The following TES variants were observed in gnomAD, a reference collection of about 807,000 sequenced individuals.
The protein encoded by TES is testin.
A neutral mutation model predicts 48.2 loss-of-function variants in TES; 41 were observed. The observed-to-expected ratio is 0.85, with a 90% CI of 0.66 to 1.10. TES has a LOEUF of 1.10. Among genes scored for constraint, TES ranks in the 50% least tolerant of loss-of-function variants. The probability of loss-of-function intolerance (pLI) is 0.00; values close to 1 mark genes in which losing one functional copy is unlikely to be tolerated. For synonymous variants in TES, 162 were observed against 174.9 expected, an observed-to-expected ratio of 0.93 and a Z score of 0.58; for missense variants, 463 against 515.1, an observed-to-expected ratio of 0.90 and a Z score of 0.98.
intron 1 of TES, among the ~76,000 whole-genome samples, chr7:116,233,242 G>T (rs1799723851): frequency 6.6e-6 from 1 of 152,184 alleles, no homozygotes. Context: ...CTGATGTAAG[G>T]CTGGCTACTC....
chr7:116,239,904 ATAAT>A (rs1336067653), intron 2 of TES, among the ~76,000 whole-genome samples: 2 of 152,232 alleles, frequency 1.3e-5, no homozygotes, highest in South Asian at 2.1e-4. Context: ...CATTGAAGGT[ATAAT>A]TAATATAATT....
chr7:116,227,406 G>A (rs1584614376), intron 1 of TES, among the ~76,000 whole-genome samples: 1 of 152,036 alleles, frequency 6.6e-6, no homozygotes, highest in East Asian at 1.9e-4. Context: ...ACAGGCATGA[G>A]CCACCGTGTC....
chr7:116,251,661 C>A (rs558983540), intron 4 of TES, 99 bp from the exon 5 acceptor site: 2 of 1,114,850 alleles, frequency 1.8e-6, no homozygotes, highest in Middle Eastern at 3.0e-4. Flanking sequence ...CCAGCCTGGG[C>A]GACAGAGTGA....
At chr7:116,242,535 CTCTGTCTCTG>C (rs769662943) in intron 2 of TES, among the ~76,000 whole-genome samples, 40 of 53,966 alleles carry the variant, frequency 7.4e-4, no homozygotes, top group African/African-American at 3.3e-3. Flanking sequence ...CTCTCTCTCT[CTCTGTCTCTG>C]TCTCGGAATA....
At chr7:116,249,820 G>A (rs1012271817) in intron 3 of TES, 1 of 190,444 alleles carries the variant, frequency 5.3e-6, no homozygotes. Flanking sequence ...TAATAAAAAT[G>A]TTCCTGGTCC....
At chr7:116,223,057 G>A in intron 1 of TES, 1 of 931,190 alleles carries the variant, frequency 1.1e-6, no homozygotes, top group Non-Finnish European at 1.3e-6. Context: ...CCTTCATACA[G>A]TAGTATAAAA....
intron 2 of TES, among the ~76,000 whole-genome samples, chr7:116,245,900 G>A (rs150348264): frequency 1.4e-3 from 220 of 152,180 alleles, no homozygotes; most frequent in African/African-American, 4.1e-3. Flanking sequence ...GAGAAGTGCC[G>A]AGCAAAAGGG....
At chr7:116,227,261 C>A (rs890367643) in intron 1 of TES, among the ~76,000 whole-genome samples, 1 of 151,548 alleles carries the variant, frequency 6.6e-6, no homozygotes, top group East Asian at 1.9e-4. Flanking sequence ...GGATTACAGG[C>A]ATCTATCACC....
chr7:116,215,056 T>C (rs1008866958), intron 1 of TES, among the ~76,000 whole-genome samples: 1 of 152,224 alleles, frequency 6.6e-6, no homozygotes, highest in African/African-American at 2.4e-5. Flanking sequence ...CCTGTTACAC[T>C]TACGTGGTTA....
chr7:116,223,108 A>G (rs1304801336), intron 1 of TES: 1 of 426,756 alleles, frequency 2.3e-6, no homozygotes, highest in African/African-American at 2.2e-5. Context: ...TTTATAAGGA[A>G]CCAGCTTAAA....
Position 116,210,579 on chromosome 7 carries a change from C to A in TES, c.-129C>A. 9.6e-7 allele frequency: 1 copy of A among 1,043,366 alleles called. No individual in the cohort carries two copies. Among genetic ancestry groups the A allele is most frequent in the Non-Finnish European group, 1.2e-6 (1 of 801,640 alleles). The allele number at this position is 1,043,366 out of a possible 1,614,324, so 64.6% of individuals were successfully genotyped here. On this transcript the variant is annotated 5_prime_UTR_variant, in exon 1 of 7. Transcript: ENST00000358204. ...GCGGCGGAAGTTCGACGGCGCCGGG[C>A]GAGTGGCTGTTGAGCGGCGCCGCGG...
rs1471137303 is a variant in TES, at chr7:116,258,017, C to CATTT, written c.*537_*540dup. On this transcript the variant is annotated 3_prime_UTR_variant, in exon 7 of 7. Transcript: ENST00000358204. Reference sequence around the variant, plus strand: ...CAGAGCTGCTGTTTTAATGCCTATGCATTTACTCTTTCCTGATTTAGGCAG... The same window carrying CATTT: ...CAGAGCTGCTGTTTTAATGCCTATGCATTTATTTACTCTTTCCTGATTTAGGCAG... 1 of 152,194 alleles carries CATTT rather than the reference C, an allele frequency of 6.6e-6. No individual in the cohort carries two copies. The highest frequency in any genetic ancestry group is 1.5e-5 in the Non-Finnish European group (1 of 68,040). The allele number at this position is 152,194 out of a possible 1,614,324, so 9.4% of individuals were successfully genotyped here. A position where few individuals can be genotyped will look rare whatever the true frequency, so the allele number is the denominator to read the frequency against.
chr7:116,216,829 T>G (rs945554429), intron 1 of TES, among the ~76,000 whole-genome samples: 13 of 152,072 alleles, frequency 8.5e-5, no homozygotes, highest in African/African-American at 2.9e-4. Context: ...GTCCCATAAG[T>G]CTAGGAGTGA....
At chr7:116,212,541 T>C (rs1417067267) in intron 1 of TES, among the ~76,000 whole-genome samples, 3 of 152,176 alleles carry the variant, frequency 2.0e-5, no homozygotes, top group Non-Finnish European at 2.9e-5. Context: ...TTCTGCTCAA[T>C]TTTGCTGTGA....
At chr7:116,251,265 C>CT (rs1488670189) in intron 4 of TES, among the ~76,000 whole-genome samples, 8 of 152,174 alleles carry the variant, frequency 5.3e-5, no homozygotes, top group African/African-American at 1.9e-4. Flanking sequence ...CGGGAGAAAG[C>CT]TGAGATTCCA....
At chr7:116,226,370 A>C (rs1326526642) in intron 1 of TES, among the ~76,000 whole-genome samples, 4 of 152,176 alleles carry the variant, frequency 2.6e-5, no homozygotes, top group Admixed American at 2.6e-4. Context: ...TCACAGAGTT[A>C]CTGACATTAG....
At chr7:116,235,871 C>CT (rs768316914) in intron 2 of TES, among the ~76,000 whole-genome samples, 1 of 152,102 alleles carries the variant, frequency 6.6e-6, no homozygotes, top group Non-Finnish European at 1.5e-5. Context: ...ACATTAATCT[C>CT]TTTTAAAAAC....
chr7:116,245,770 T>C (rs1331169518), intron 2 of TES, among the ~76,000 whole-genome samples: 1 of 152,124 alleles, frequency 6.6e-6, no homozygotes, highest in Non-Finnish European at 1.5e-5. Flanking sequence ...ACTGAGTAAT[T>C]TATTTATAAA....
rs1799425258 is a variant in TES at position 116,210,717 on chromosome 7, G to GA, written c.14dup (p.Asn5LysfsTer26). 7.9e-7 allele frequency: 1 copy of GA among 1,259,588 alleles called. No individual in the cohort carries two copies. Among genetic ancestry groups the GA allele is most frequent in the Middle Eastern group, 2.1e-4 (1 of 4,856 alleles). 78.0% of individuals were successfully genotyped at this position (1,259,588 alleles called of 1,614,324 possible). On this transcript the variant is annotated frameshift_variant, in exon 1 of 7. Coordinates refer to ENST00000358204, the MANE Select transcript of TES (RefSeq NM_015641.4). LOFTEE classifies it high-confidence loss of function. ...CATAGGACGCGTTAACATGGACCTG[G>GA]AAAACAAAGTGAAGAAGGTAGGGGG...
Sources: gnomAD v4.1 joint callset for allele counts (sites outside exome capture counted in the v4.1 genomes callset) on GRCh38, gnomAD v4.1.1 for gene constraint, MANE v1.5 for transcripts, NCBI Gene and HGNC (gene_info 2026-07-23, HGNC 2026-07-21) for gene names.